The following PCDHA2 variants were observed in gnomAD, a reference collection of about 807,000 sequenced individuals.
PCDHA2 encodes protocadherin alpha 2.
Under a neutral mutation model 66.0 loss-of-function variants are expected in PCDHA2, and 58 were observed. That is an observed-to-expected ratio of 0.88 (90% confidence interval 0.71 to 1.09). PCDHA2 has a LOEUF of 1.09. Among genes scored for constraint, PCDHA2 ranks in the 50% least tolerant of loss-of-function variants. The pLI, the probability that PCDHA2 is intolerant of heterozygous loss-of-function variation, is 0.00. For synonymous variants in PCDHA2, 634 were observed against 554.0 expected, an observed-to-expected ratio of 1.14 and a Z score of -2.03; for missense variants, 1,267 against 1,242.3, an observed-to-expected ratio of 1.02 and a Z score of -0.30.
intron 1 of PCDHA2, chr5:140,966,229 A>T (rs1027352378): frequency 1.1e-5 from 3 of 277,852 alleles, no homozygotes; most frequent in African/African-American, 6.6e-5. Context: ...ATCTCCTTAA[A>T]GACCCGTTAA....
intron 1 of PCDHA2, among the ~76,000 whole-genome samples, chr5:140,873,904 G>A (rs936002886): frequency 6.6e-6 from 1 of 152,074 alleles, no homozygotes; most frequent in African/African-American, 2.4e-5. Flanking sequence ...CAGGTGATCT[G>A]CCTGCCTCAG....
chr5:140,836,877 C>T (rs937347859), intron 1 of PCDHA2: 1 of 682,570 alleles, frequency 1.5e-6, no homozygotes, highest in Non-Finnish European at 2.3e-6. Context: ...GCTGTATTTG[C>T]ACTAATTATT....
chr5:140,829,774 C>T (rs1293917446), intron 1 of PCDHA2: 18 of 1,613,672 alleles, frequency 1.1e-5, no homozygotes, highest in East Asian at 2.2e-5. Context: ...AGAACGACAA[C>T]GCGCCGGCGC....
chr5:141,003,044 T>C (rs1459180030), intron 3 of PCDHA2, among the ~76,000 whole-genome samples: 1 of 152,230 alleles, frequency 6.6e-6, no homozygotes, highest in African/African-American at 2.4e-5. Flanking sequence ...CCTCCTGGCC[T>C]TAACAGAACA....
At chr5:140,861,554 C>G (rs1023234694) in intron 1 of PCDHA2, 16 of 398,878 alleles carry the variant, frequency 4.0e-5, no homozygotes, top group African/African-American at 3.3e-4. Flanking sequence ...TGGAAGTGAT[C>G]GTGGACAAGC....
intron 1 of PCDHA2, chr5:140,848,707 G>A (rs782550579): frequency 2.5e-6 from 4 of 1,592,422 alleles, no homozygotes; most frequent in East Asian, 2.2e-5. Context: ...TCCAAAGGCC[G>A]CGGGGACCTT....
chr5:140,926,766 C>A (rs950499262), intron 1 of PCDHA2: 34 of 1,343,396 alleles, frequency 2.5e-5, no homozygotes, highest in Non-Finnish European at 3.3e-5. Context: ...GAGTATCCAG[C>A]CCGCAGCAGT....
chr5:140,906,798 C>T (rs1456677849), intron 1 of PCDHA2, among the ~76,000 whole-genome samples: 1 of 152,192 alleles, frequency 6.6e-6, no homozygotes, highest in Non-Finnish European at 1.5e-5. Context: ...TCCATGCATA[C>T]TCTTCCTTAC....
intron 1 of PCDHA2, among the ~76,000 whole-genome samples, chr5:140,958,063 A>G (rs2095406851): frequency 6.6e-6 from 1 of 152,118 alleles, no homozygotes; most frequent in Non-Finnish European, 1.5e-5. Flanking sequence ...GAGAGAAAAA[A>G]CACAGAAGCA....
In PCDHA2 at chr5:140,958,926, C is replaced by T. The variant is rs2095452227; in HGVS notation, c.2389-20023C>T. Among the ~76,000 whole-genome samples the T allele has an allele frequency of 2.1e-5, 3 of 143,506 alleles. No individual in the cohort carries two copies. The Admixed American group carries it at 2.1e-4, about 10-fold the overall frequency. The allele number at this position is 143,506 out of a possible 152,430, so 94.1% of individuals were successfully genotyped here. A position where few individuals can be genotyped will look rare whatever the true frequency, so the allele number is the denominator to read the frequency against. Reference sequence around the variant, plus strand: ...AGAAAAGTCTGCCTGGGTGTGGTGGCTCATACTTGTAATAATATTATATTA... The same window carrying T: ...AGAAAAGTCTGCCTGGGTGTGGTGGTTCATACTTGTAATAATATTATATTA... On this transcript the variant is annotated intron_variant, in intron 1 of 3. Transcript: ENST00000526136.
chr5:140,927,939 A>G (rs782391525), intron 1 of PCDHA2: 1 of 1,614,234 alleles, frequency 6.2e-7, no homozygotes, highest in Non-Finnish European at 8.5e-7. Flanking sequence ...CGAACCCAGT[A>G]CCTGAGGACG....
At chr5:140,932,967 T>C (rs367764644) in intron 1 of PCDHA2, among the ~76,000 whole-genome samples, 2 of 152,036 alleles carry the variant, frequency 1.3e-5, no homozygotes, top group South Asian at 2.1e-4. Context: ...TGCTGAAAGG[T>C]TTTTACAATG....
At chr5:140,882,259 G>A (rs1554173247) in intron 1 of PCDHA2, 1 of 1,603,126 alleles carries the variant, frequency 6.2e-7, no homozygotes, top group Non-Finnish European at 8.5e-7. Flanking sequence ...TGAGGTTTTT[G>A]GAGTGTACCA....
At position 141,010,550 on chromosome 5, in the gene PCDHA2, ACCCC is replaced by A; in HGVS notation, c.*615_*618del. 6.3e-6 allele frequency: 2 copies of A among 316,712 alleles called. No homozygotes were observed. Among genetic ancestry groups the A allele is most frequent in the South Asian group, 1.1e-4 (2 of 17,516 alleles). The allele number at this position is 316,712 out of a possible 1,614,324, so 19.6% of individuals were successfully genotyped here. A position where few individuals can be genotyped will look rare whatever the true frequency, so the allele number is the denominator to read the frequency against. On this transcript the variant is annotated 3_prime_UTR_variant, in exon 4 of 4. Coordinates refer to ENST00000526136, the MANE Select transcript of PCDHA2 (RefSeq NM_018905.3). ...CAGCCACCCTCTAGGAGACAAAACT[ACCCC>A]CACTGACAAGGCTTTAGGAGACCCT...
chr5:140,836,890 G>A (rs1554136343), intron 1 of PCDHA2: 1 of 634,180 alleles, frequency 1.6e-6, no homozygotes, highest in East Asian at 2.9e-5. Flanking sequence ...TAATTATTTG[G>A]AAGTACGTTT....
At chr5:140,843,025 T>G in intron 1 of PCDHA2, 1 of 1,595,056 alleles carries the variant, frequency 6.3e-7, no homozygotes. Context: ...TGCTGGAGCC[T>G]CGGGTGGGTG....
At chr5:140,982,816 G>A (rs970352633) in intron 3 of PCDHA2, among the ~76,000 whole-genome samples, 9 of 151,630 alleles carry the variant, frequency 5.9e-5, no homozygotes, top group Non-Finnish European at 1.0e-4. Flanking sequence ...TGTGTATGAA[G>A]TTTTTGGGGT....
At chr5:140,962,543 G>T (rs962454688) in intron 1 of PCDHA2, among the ~76,000 whole-genome samples, 1 of 152,176 alleles carries the variant, frequency 6.6e-6, no homozygotes, top group Non-Finnish European at 1.5e-5. Flanking sequence ...AACTAAAAAT[G>T]TAGAGGATCT....
intron 2 of PCDHA2, among the ~76,000 whole-genome samples, chr5:140,980,631 A>G (rs1272240071): frequency 6.6e-6 from 1 of 152,222 alleles, no homozygotes; most frequent in Non-Finnish European, 1.5e-5. Flanking sequence ...TCTGTCTCAG[A>G]AGAATAAATA....
Sources: gnomAD v4.1 joint callset for allele counts (sites outside exome capture counted in the v4.1 genomes callset) on GRCh38, gnomAD v4.1.1 for gene constraint, MANE v1.5 for transcripts, NCBI Gene and HGNC (gene_info 2026-07-23, HGNC 2026-07-21) for gene names.